Variants in CARMIL2 observed in about 807,000 individuals in gnomAD.
CARMIL2 encodes the protein capping protein, Arp2/3 and myosin-I linker protein 2.
CARMIL2 carries 96 observed loss-of-function variants against 173.3 expected under a neutral mutation model. The ratio of observed to expected loss-of-function variants is 0.55; its 90% CI spans 0.47 to 0.66. The LOEUF (loss-of-function observed/expected upper bound fraction) is 0.66, where lower values mean the gene tolerates loss of function less well. Ranked by LOEUF, CARMIL2 falls within the 30% of genes least tolerant of loss-of-function variation. The pLI, the probability that CARMIL2 is intolerant of heterozygous loss-of-function variation, is 0.00. For missense variants in CARMIL2, 1,771 were observed against 1,906.7 expected, an observed-to-expected ratio of 0.93 and a Z score of 1.33; for synonymous variants, 830 against 817.1, an observed-to-expected ratio of 1.02 and a Z score of -0.27.
chr16:67,654,093 G>GA, intron 29 of CARMIL2, 56 bp from the exon 30 acceptor site: 1 of 1,069,108 alleles, frequency 9.4e-7, no homozygotes, highest in Non-Finnish European at 1.3e-6. Context: ...GGGGGGGGGG[G>GA]GGTAGAAGCC....
Position 67,653,085 on chromosome 16 carries a change from CG to C in CARMIL2, c.2955del (p.Pro986ArgfsTer83). On this transcript the variant is annotated frameshift_variant, in exon 29 of 38. Coordinates refer to ENST00000334583, the MANE Select transcript of CARMIL2 (RefSeq NM_001013838.3). LOFTEE classifies it high-confidence loss of function. This position sits in a 1 kb window ranked among gnomAD's most constrained non-coding sequence, Gnocchi z 7.4. ...CCGGGAGAAGATGCAGAGCCGCAGGCGGGGCCGTCCGCGCGCGGCTCTCCGA... is the reference window on the plus strand; with the variant it reads ...CCGGGAGAAGATGCAGAGCCGCAGGCGGGCCGTCCGCGCGCGGCTCTCCGA... ...AAPGEDAEPQ[A>X]GPSARGSPSP... is the part of the protein sequence containing the mutation. The C allele has an allele frequency of 8.1e-7, 1 of 1,227,286 alleles. No individual in the cohort carries two copies. The highest frequency in any genetic ancestry group is 5.1e-5 in the East Asian group (1 of 19,618). 76.0% of individuals were successfully genotyped at this position (1,227,286 alleles called of 1,614,324 possible).
chr16:67,646,654 C>T lies in CARMIL2; in HGVS notation c.467-60C>T. The T allele has an allele frequency of 6.3e-7, 1 of 1,592,434 alleles. No homozygotes were observed. The highest frequency in any genetic ancestry group is 1.1e-5 in the South Asian group (1 of 90,702). On this transcript the variant is annotated intron_variant, in intron 6 of 37. Coordinates refer to ENST00000334583, the MANE Select transcript of CARMIL2 (RefSeq NM_001013838.3). The surrounding 1 kb of genome is among the most constrained non-coding windows in gnomAD (Gnocchi z 4.6). ...CACCTAGTCTGTGGGTCTGGTCTTC[C>T]TCCATCGCTGATGTTTTGTCTCTCT...
At chr16:67,650,417 C>G in intron 22 of CARMIL2, 1 of 540,312 alleles carries the variant, frequency 1.9e-6, no homozygotes, top group South Asian at 2.2e-5. Flanking sequence ...AATTTTCCCC[C>G]AATTGTAGCC....
At position 67,646,767 on chromosome 16, in the gene CARMIL2, C is replaced by T. The variant is rs758210528; in HGVS notation, c.520C>T (p.Arg174Ter). Residue 174 changes from arginine to a stop codon, truncating the protein, a stop_gained, in exon 7 of 38, where the codon CGA becomes TGA. Coordinates refer to ENST00000334583, the MANE Select transcript of CARMIL2 (RefSeq NM_001013838.3). LOFTEE classifies it high-confidence loss of function. This position sits in a 1 kb window ranked among gnomAD's most constrained non-coding sequence, Gnocchi z 4.6. Reference sequence around the variant, plus strand: ...GTGTGACTACAATGGCTTCCCTTTCCGAGAGGAGATTCAGTGGGTGAGGGT... The same window carrying T: ...GTGTGACTACAATGGCTTCCCTTTCTGAGAGGAGATTCAGTGGGTGAGGGT... ...ALCDYNGFPF[R>*]EEIQWDVDTI... is the part of the protein sequence containing the mutation. 8.1e-6 allele frequency: 13 copies of T among 1,613,844 alleles called. No individual in the cohort carries two copies. The highest frequency in any genetic ancestry group is 2.2e-5 in the East Asian group (1 of 44,892).
chr16:67,656,509 C>T lies in CARMIL2; in HGVS notation c.3900C>T (p.Leu1300=). 6.2e-7 allele frequency: 1 copy of T among 1,613,452 alleles called. No homozygotes were observed. Among genetic ancestry groups the T allele is most frequent in the Non-Finnish European group, 8.5e-7 (1 of 1,179,772 alleles). The part of the protein sequence containing the change: ...KTLGQQLNAE[L]RSRGWGQQDG... ...TGGGGCAGCAGTTGAATGCGGAGCT[C>T]AGGAGCCGTGGTTGGGGCCAACAGG... Residue 1300 remains leucine, a synonymous_variant, in exon 35 of 38, where the codon CTC becomes CTT. Coordinates refer to ENST00000334583, the MANE Select transcript of CARMIL2 (RefSeq NM_001013838.3).
In CARMIL2 at chr16:67,649,492, G is replaced by T; in HGVS notation, c.1792G>T (p.Ala598Ser). 6.2e-7 allele frequency: 1 copy of T among 1,610,346 alleles called. No homozygotes were observed. The highest frequency in any genetic ancestry group is 8.5e-7 in the Non-Finnish European group (1 of 1,179,880). Reference sequence around the variant, plus strand: ...GGCTGAGTCTCGGCTGAAGCTGGGTGCCAGCGTCCTACTCCGGGCCCTAGC... The same window carrying T: ...GGCTGAGTCTCGGCTGAAGCTGGGTTCCAGCGTCCTACTCCGGGCCCTAGC... ...SVAESRLKLG[A>S]SVLLRALATN... Residue 598 changes from alanine to serine, a missense_variant, in exon 20 of 38, where the codon GCC (alanine) becomes TCC (serine). Transcript: ENST00000334583. This position sits in a 1 kb window ranked among gnomAD's most constrained non-coding sequence, Gnocchi z 6.7.
chr16:67,647,329 A>G lies in CARMIL2; in HGVS notation c.718A>G (p.Met240Val), dbSNP rs748179387. 2.5e-6 allele frequency: 4 copies of G among 1,593,454 alleles called. No individual in the cohort carries two copies. Among genetic ancestry groups the G allele is most frequent in the African/African-American group, 2.7e-5 (2 of 74,512 alleles). ...TGAGGTCTCAGAACAGATTCTGCAC[A>G]TGATGAGTCAGTCATCACACCTGGA... ...SLEVSEQILH[M>V]MSQSSHLEEL... Residue 240 changes from methionine to valine, a missense_variant, in exon 10 of 38, where the codon ATG becomes GTG. Transcript: ENST00000334583.
rs373516654 is a variant in CARMIL2, at chr16:67,649,043, C to T, written c.1592-33C>T. The T allele has an allele frequency of 1.0e-5, 16 of 1,606,362 alleles. No homozygotes were observed. Among genetic ancestry groups the T allele is most frequent in the Middle Eastern group, 1.6e-4 (1 of 6,072 alleles). On this transcript the variant is annotated intron_variant, in intron 17 of 37. Coordinates refer to ENST00000334583, the MANE Select transcript of CARMIL2 (RefSeq NM_001013838.3). This position sits in a 1 kb window ranked among gnomAD's most constrained non-coding sequence, Gnocchi z 6.7. ...CCCAATCCCCACCCTACCCTTGCAA[C>T]TTCGCCTCGTGCGTGACCCGAGTCA... is the stretch of plus-strand genomic sequence containing the variant.
rs772640108 is a variant in CARMIL2, at chr16:67,645,775, A to G, written c.184A>G (p.Arg62Gly). ...GCTGCACACCACCTGCCTCCCGCTG[A>G]GGGTGAGTCCCAGGGCCTGGCCACA... ...YLLHTTCLPL[R>G]VDCTFSYLEV... Residue 62 changes from arginine to glycine, a missense_variant and splice_region_variant, in exon 3 of 38, where the codon AGG becomes GGG. This residue lies in a region of CARMIL2 where 944 missense variants were observed against 975.6 expected (regional missense o/e 0.97). Coordinates refer to ENST00000334583, the MANE Select transcript of CARMIL2 (RefSeq NM_001013838.3). The G allele has an allele frequency of 6.2e-7, 1 of 1,611,970 alleles. No homozygotes were observed. Among genetic ancestry groups the G allele is most frequent in the East Asian group, 2.2e-5 (1 of 44,878 alleles).
At position 67,647,282 on chromosome 16, in the gene CARMIL2, C is replaced by CGCCCTCTG. The variant is rs1384287159; in HGVS notation, c.688-16_688-9dup. On this transcript the variant is annotated splice_polypyrimidine_tract_variant and intron_variant, in intron 9 of 37. Coordinates refer to ENST00000334583, the MANE Select transcript of CARMIL2 (RefSeq NM_001013838.3). ...GGCCAGGGTGCAGCCCGTGAGCCGC[C>CGCCCTCTG]GCCCTCTGCTTCTCAGAGCCTTGAG... 1.2e-6 allele frequency: 2 copies of CGCCCTCTG among 1,608,570 alleles called. No individual in the cohort carries two copies. The highest frequency in any genetic ancestry group is 2.7e-5 in the African/African-American group (2 of 74,854).
chr16:67,645,485 C>A, intron 1 of CARMIL2, 55 bp from the exon 2 acceptor site: 1 of 1,474,848 alleles, frequency 6.8e-7, no homozygotes, highest in Non-Finnish European at 9.3e-7. Flanking sequence ...AGACTGTGGG[C>A]ACCAGTGGCT....
chr16:67,651,892 C>A lies in CARMIL2; in HGVS notation c.2589-29C>A. 6.2e-7 allele frequency: 1 copy of A among 1,613,050 alleles called. No homozygotes were observed. The highest frequency in any genetic ancestry group is 8.5e-7 in the Non-Finnish European group (1 of 1,179,626). ...TGGGCAAGGCTGAGCAAAGCCAGCC[C>A]ATTAACCCCTGTCCTCTCCTGCCCT... is the stretch of plus-strand genomic sequence containing the variant. On this transcript the variant is annotated intron_variant, in intron 25 of 37. Transcript: ENST00000334583. This position sits in a 1 kb window ranked among gnomAD's most constrained non-coding sequence, Gnocchi z 4.2.
At position 67,646,729 on chromosome 16, in the gene CARMIL2, C is replaced by T. The variant is rs542917628; in HGVS notation, c.482C>T (p.Thr161Ile). 6.2e-7 allele frequency: 1 copy of T among 1,613,994 alleles called. No homozygotes were observed. The highest frequency in any genetic ancestry group is 2.2e-5 in the East Asian group (1 of 44,882). Reference protein sequence around the residue: ...PCSPCGGFLETYEALCDYNGF... With the variant: ...PCSPCGGFLEIYEALCDYNGF... ...CCCTCCCCAGGTGGCTTCTTGGAGA[C>T]ATACGAGGCTCTGTGTGACTACAAT... is the stretch of plus-strand genomic sequence containing the variant. The change falls in exon 7 of 38, where the codon ACA becomes ATA. Residue 161 changes from threonine (T) to isoleucine (I), a missense_variant. Physicochemically the swap from Thr to Ile is moderately conservative, Grantham distance 89 (BLOSUM62 -1). Transcript: ENST00000334583. The surrounding 1 kb of genome is among the most constrained non-coding windows in gnomAD (Gnocchi z 4.6).
At chr16:67,647,799 GGGGT>G in intron 12 of CARMIL2, 33 bp downstream of exon 12, 1 of 1,073,986 alleles carries the variant, frequency 9.3e-7, no homozygotes, top group Admixed American at 2.0e-5. Flanking sequence ...TGAGGGGAGG[GGGGT>G]GGGGGTCTGT....
intron 9 of CARMIL2, 45 bp downstream of exon 9, chr16:67,647,236 G>A (rs774600152): frequency 6.2e-7 from 1 of 1,611,986 alleles, no homozygotes. Context: ...AAGGGTGTGG[G>A]CCAGGGTGCA....
Position 67,654,154 on chromosome 16 carries a change from C to T in CARMIL2, c.3126C>T (p.Pro1042=), listed in dbSNP as rs533725723. ...HRPPPGGPQV[P]PALPQEGNGL... The stretch of plus-strand genomic sequence containing the variant: ...GACCCCATGATGCCCCCCAGGTACC[C>T]CCAGCCTTGCCGCAGGAAGGGAATG... The change falls in exon 30 of 38, where the codon CCC becomes CCT. Residue 1042 remains proline (P), a synonymous_variant. Transcript: ENST00000334583. The T allele has an allele frequency of 1.3e-5, 20 of 1,556,544 alleles. No individual in the cohort carries two copies. The highest frequency in any genetic ancestry group is 1.6e-5 in the Non-Finnish European group (18 of 1,151,162).
In CARMIL2 at chr16:67,650,170, C is replaced by CCACG. The variant is rs764497088; in HGVS notation, c.2184+21_2184+24dup. 38 of 1,591,936 alleles carry CCACG rather than the reference C, an allele frequency of 2.4e-5. No homozygotes were observed. Among genetic ancestry groups the CCACG allele is most frequent in the Non-Finnish European group, 2.6e-6 (3 of 1,168,004 alleles). On this transcript the variant is annotated intron_variant, in intron 22 of 37. Transcript: ENST00000334583. Reference sequence around the variant, plus strand: ...GAGCAGGTCAATGTCCCCTCCCCAACCACGAGAGGTAGGGCATGAGGAGAC... The same window carrying CCACG: ...GAGCAGGTCAATGTCCCCTCCCCAACCACGCACGAGAGGTAGGGCATGAGGAGAC...
Position 67,649,951 on chromosome 16 carries a change from G to A in CARMIL2, c.2065G>A (p.Ala689Thr). 1 of 1,613,316 alleles carries A rather than the reference G, an allele frequency of 6.2e-7. No individual in the cohort carries two copies. The highest frequency in any genetic ancestry group is 2.2e-5 in the East Asian group (1 of 44,876). Reference protein sequence around the residue: ...QAQRSRPELTARAVHQIQACL... With the variant: ...QAQRSRPELTTRAVHQIQACL... ...GCAGCGCAGCCGCCCGGAACTGACA[G>A]CACGTGCAGTCCATCAGGTGGGCGT... Residue 689 changes from alanine (A) to threonine (T), a missense_variant, in exon 21 of 38, where the codon GCA becomes ACA. By Grantham distance (58) the Ala-to-Thr change is moderately conservative. This residue lies in a region of CARMIL2 where 944 missense variants were observed against 975.6 expected (regional missense o/e 0.97). Coordinates refer to ENST00000334583, the MANE Select transcript of CARMIL2 (RefSeq NM_001013838.3). This position sits in a 1 kb window ranked among gnomAD's most constrained non-coding sequence, Gnocchi z 6.7.
In CARMIL2 at chr16:67,651,987, G is replaced by A. The variant is rs1313386910; in HGVS notation, c.2655G>A (p.Leu885=). Residue 885 remains leucine (L), a synonymous_variant, in exon 26 of 38, where the codon CTG becomes CTA. Coordinates refer to ENST00000334583, the MANE Select transcript of CARMIL2 (RefSeq NM_001013838.3). The surrounding 1 kb of genome is among the most constrained non-coding windows in gnomAD (Gnocchi z 4.2). ...TTGTGGCTCAGGCTTTGGCAGGCCT[G>A]AGTGCAGCCCGGGATCAGCTGGTGA... ...ESIVAQALAG[L]SAARDQLVES... is the part of the protein sequence containing the mutation. 1.9e-6 allele frequency: 3 copies of A among 1,613,516 alleles called. No individual in the cohort carries two copies. The highest frequency in any genetic ancestry group is 2.5e-6 in the Non-Finnish European group (3 of 1,179,882).
Sources: gnomAD v4.1 joint callset for allele counts on GRCh38, gnomAD v4.1.1 for gene constraint, gnomAD v4.1.1 regional missense constraint, Gnocchi (gnomAD v3.1) non-coding constraint, MANE v1.5 for transcripts, NCBI Gene and HGNC (gene_info 2026-07-23, HGNC 2026-07-21) for gene names.